ADAMTSL3: variants seen among roughly 807,000 people sequenced by gnomAD.
The protein encoded by ADAMTSL3 is ADAMTS-like protein 3.
A neutral mutation model predicts 201.7 loss-of-function variants in ADAMTSL3; 128 were observed. That is an observed-to-expected ratio of 0.63 (90% CI 0.55 to 0.73). ADAMTSL3 has a LOEUF of 0.73. Among genes scored for constraint, ADAMTSL3 ranks in the 30% least tolerant of loss-of-function variants. The pLI is 0.00. For missense variants in ADAMTSL3, 1,990 were observed against 2,119.6 expected, an observed-to-expected ratio of 0.94 and a Z score of 1.20; for synonymous variants, 738 against 748.4, an observed-to-expected ratio of 0.99 and a Z score of 0.23.
chr15:83,760,740 T>C (rs1490486417), intron 3 of ADAMTSL3, among the ~76,000 whole-genome samples: 1 of 152,158 alleles, frequency 6.6e-6, no homozygotes, highest in Non-Finnish European at 1.5e-5. Flanking sequence ...ATGTAGCATC[T>C]CTCTGTCTTA....
At chr15:83,882,105 G>A (rs778990320) in intron 9 of ADAMTSL3, among the ~76,000 whole-genome samples, 4 of 152,156 alleles carry the variant, frequency 2.6e-5, no homozygotes, top group Middle Eastern at 3.4e-3. Flanking sequence ...GTAGTGAGCC[G>A]AGATCGCGCC....
intron 23 of ADAMTSL3, among the ~76,000 whole-genome samples, chr15:84,006,713 G>A (rs1341537794): frequency 2.0e-5 from 3 of 152,214 alleles, no homozygotes; most frequent in Non-Finnish European, 4.4e-5. Context: ...ACGTTTTATA[G>A]CTGTTGCAAC....
At chr15:83,738,405 A>G (rs991184545) in intron 3 of ADAMTSL3, among the ~76,000 whole-genome samples, 8 of 152,202 alleles carry the variant, frequency 5.3e-5, no homozygotes, top group African/African-American at 1.9e-4. Flanking sequence ...TATGTCACTT[A>G]CACTTTTTAA....
chr15:83,789,274 G>A (rs536195849), intron 4 of ADAMTSL3, among the ~76,000 whole-genome samples: 5 of 151,882 alleles, frequency 3.3e-5, no homozygotes, highest in Non-Finnish European at 7.4e-5. Context: ...TTTTTCCTGA[G>A]TTATTTTTTG....
chr15:83,899,574 A>G, intron 14 of ADAMTSL3, 73 bp from the exon 15 acceptor site: 1 of 1,436,222 alleles, frequency 7.0e-7, no homozygotes, highest in Non-Finnish European at 9.5e-7. Flanking sequence ...ATCTTCAGCC[A>G]ATATGATCAC....
chr15:83,754,631 T>C (rs1332163985), intron 3 of ADAMTSL3, among the ~76,000 whole-genome samples: 2 of 152,222 alleles, frequency 1.3e-5, no homozygotes, highest in Admixed American at 6.5e-5. Context: ...CTAAGCATTT[T>C]CATACACATA....
intron 3 of ADAMTSL3, among the ~76,000 whole-genome samples, chr15:83,724,451 G>T (rs573433613): frequency 1.3e-5 from 2 of 151,790 alleles, no homozygotes; most frequent in African/African-American, 2.4e-5. Context: ...ATATTTATGG[G>T]GTATGTGAGA....
chr15:83,792,104 A>G (rs2063353912), intron 4 of ADAMTSL3, among the ~76,000 whole-genome samples: 1 of 152,204 alleles, frequency 6.6e-6, no homozygotes, highest in Non-Finnish European at 1.5e-5. Context: ...GGGAGAAAGT[A>G]TTTGCAAGCT....
intron 3 of ADAMTSL3, among the ~76,000 whole-genome samples, chr15:83,771,183 TTA>T (rs377705844): frequency 0.016 from 2,054 of 124,896 alleles, 18 homozygotes; most frequent in Non-Finnish European, 0.023. Flanking sequence ...TTTTTTTTTT[TTA>T]TTTTAATAGG....
intron 9 of ADAMTSL3, among the ~76,000 whole-genome samples, chr15:83,876,238 G>A (rs935908083): frequency 4.6e-5 from 7 of 152,074 alleles, no homozygotes; most frequent in East Asian, 3.9e-4. Flanking sequence ...GGTTCCTTGC[G>A]TAATTGTTGT....
chr15:83,723,787 G>A (rs1295951113), intron 3 of ADAMTSL3, among the ~76,000 whole-genome samples: 1 of 152,074 alleles, frequency 6.6e-6, no homozygotes, highest in Admixed American at 6.6e-5. Flanking sequence ...GGAATTAAGA[G>A]TGTTTTAAAT....
chr15:83,717,587 A>C (rs556375878), intron 3 of ADAMTSL3: 1 of 152,344 alleles, frequency 6.6e-6, no homozygotes, highest in Non-Finnish European at 1.5e-5. Context: ...ACAGAAGCTA[A>C]GCTTCTCTGT....
chr15:83,887,539 G>A (rs72746993), intron 10 of ADAMTSL3, among the ~76,000 whole-genome samples: 2 of 152,126 alleles, frequency 1.3e-5, no homozygotes, highest in South Asian at 2.1e-4. Flanking sequence ...TGAGGCAAAG[G>A]TTCCTTTACA....
At chr15:83,939,781 C>T (rs1040787468) in intron 17 of ADAMTSL3, among the ~76,000 whole-genome samples, 6 of 151,964 alleles carry the variant, frequency 3.9e-5, no homozygotes, top group African/African-American at 1.4e-4. Flanking sequence ...ACCACCACAC[C>T]CAGCAAATTT....
chr15:83,720,393 T>A (rs1428751508), intron 3 of ADAMTSL3, among the ~76,000 whole-genome samples: 1 of 152,184 alleles, frequency 6.6e-6, no homozygotes, highest in Non-Finnish European at 1.5e-5. Flanking sequence ...TTCTTAAATG[T>A]TTGGTCCCTG....
intron 24 of ADAMTSL3, among the ~76,000 whole-genome samples, chr15:84,014,934 TTGTG>T: frequency 7.0e-6 from 1 of 142,554 alleles, no homozygotes; most frequent in East Asian, 2.1e-4. Flanking sequence ...ATGTTAGTGT[TTGTG>T]TGTGTGTGTG....
At chr15:83,899,115 G>A (rs1033007051) in intron 14 of ADAMTSL3, among the ~76,000 whole-genome samples, 4 of 152,224 alleles carry the variant, frequency 2.6e-5, no homozygotes, top group Middle Eastern at 3.4e-3. Flanking sequence ...GACAGGAAGG[G>A]GGGCAACAGT....
At chr15:83,770,954 C>T (rs1407772266) in intron 3 of ADAMTSL3, among the ~76,000 whole-genome samples, 1 of 152,078 alleles carries the variant, frequency 6.6e-6, no homozygotes, top group African/African-American at 2.4e-5. Context: ...GTAGTCCCAG[C>T]TACTCAGGAG....
intron 3 of ADAMTSL3, among the ~76,000 whole-genome samples, chr15:83,730,098 C>T (rs1567104966): frequency 6.6e-6 from 1 of 152,018 alleles, no homozygotes; most frequent in Admixed American, 6.6e-5. Flanking sequence ...AAAGACCACT[C>T]AGCGTGATGA....
Sources: allele counts gnomAD v4.1 joint callset (sites outside exome capture counted in the v4.1 genomes callset), GRCh38; gene constraint gnomAD v4.1.1; transcripts MANE v1.5; gene names NCBI Gene and HGNC (gene_info 2026-07-23, HGNC 2026-07-21).